The following SH3GL2 variants were observed in gnomAD, a reference collection of about 807,000 sequenced individuals.
SH3GL2 encodes the protein SH3 domain containing GRB2 like 2, endophilin A1.
A neutral mutation model predicts 46.0 loss-of-function variants in SH3GL2; 24 were observed. The ratio of observed to expected loss-of-function variants is 0.52; its 90% CI spans 0.38 to 0.73. SH3GL2 has a LOEUF of 0.73. Ranked by LOEUF, SH3GL2 falls within the 30% of genes least tolerant of loss-of-function variation. The pLI, the probability that SH3GL2 is intolerant of heterozygous loss-of-function variation, is 0.00. For synonymous variants in SH3GL2, 196 were observed against 147.1 expected, an observed-to-expected ratio of 1.33 and a Z score of -2.40; for missense variants, 413 against 424.2, an observed-to-expected ratio of 0.97 and a Z score of 0.23.
intron 1 of SH3GL2, among the ~76,000 whole-genome samples, chr9:17,626,316 G>A (rs376499652): frequency 2.0e-5 from 3 of 152,218 alleles, no homozygotes; most frequent in African/African-American, 7.2e-5. Context: ...AGCATGTTGC[G>A]GGGGACAGGG....
At chr9:17,600,627 A>T (rs1056903214) in intron 1 of SH3GL2, among the ~76,000 whole-genome samples, 1 of 152,226 alleles carries the variant, frequency 6.6e-6, no homozygotes, top group Non-Finnish European at 1.5e-5. Context: ...GCTCTTAGTT[A>T]CTGGAGCTAT....
chr9:17,582,750 A>G (rs1818299774), intron 1 of SH3GL2, among the ~76,000 whole-genome samples: 1 of 152,252 alleles, frequency 6.6e-6, no homozygotes, highest in Non-Finnish European at 1.5e-5. Flanking sequence ...TCTGAGACCA[A>G]GGTGCCAGTA....
chr9:17,658,888 A>G (rs933140922), intron 1 of SH3GL2, among the ~76,000 whole-genome samples: 5 of 152,240 alleles, frequency 3.3e-5, no homozygotes, highest in African/African-American at 1.2e-4. Flanking sequence ...CCTTTGGATT[A>G]AATCTTTCCA....
At chr9:17,722,367 A>C (rs1375426813) in intron 1 of SH3GL2, among the ~76,000 whole-genome samples, 1 of 152,128 alleles carries the variant, frequency 6.6e-6, no homozygotes, top group East Asian at 1.9e-4. Flanking sequence ...ACTGACATGT[A>C]GTTAATGTCT....
intron 1 of SH3GL2, among the ~76,000 whole-genome samples, chr9:17,641,125 C>T (rs1315513527): frequency 6.6e-6 from 1 of 152,060 alleles, no homozygotes; most frequent in Admixed American, 6.6e-5. Context: ...TTTGGGGTGG[C>T]TCCTAATTAT....
At chr9:17,665,213 G>T (rs746362847) in intron 1 of SH3GL2, among the ~76,000 whole-genome samples, 2 of 152,102 alleles carry the variant, frequency 1.3e-5, no homozygotes, top group Admixed American at 6.5e-5. Context: ...TATAACCATA[G>T]TACAGTGATA....
intron 1 of SH3GL2, among the ~76,000 whole-genome samples, chr9:17,640,790 A>T (rs1041416718): frequency 6.6e-6 from 1 of 152,364 alleles, no homozygotes; most frequent in African/African-American, 2.4e-5. Context: ...TGTCCTTGAA[A>T]TGGAGACTGT....
chr9:17,609,796 G>T (rs117787798), intron 1 of SH3GL2, among the ~76,000 whole-genome samples: 2 of 152,304 alleles, frequency 1.3e-5, no homozygotes, highest in Admixed American at 1.3e-4. Context: ...AAGGGCATGT[G>T]CTACTCAGCT....
At chr9:17,675,290 C>T (rs1332858522) in intron 1 of SH3GL2, among the ~76,000 whole-genome samples, 1 of 151,992 alleles carries the variant, frequency 6.6e-6, no homozygotes, top group East Asian at 1.9e-4. Flanking sequence ...TAATTCAGGA[C>T]TTAAGGGGTG....
intron 1 of SH3GL2, among the ~76,000 whole-genome samples, chr9:17,643,384 C>G (rs1487766625): frequency 1.3e-5 from 2 of 152,150 alleles, no homozygotes; most frequent in Non-Finnish European, 2.9e-5. Context: ...ATTTCTTTCT[C>G]TTGCCTTATT....
chr9:17,791,883 C>T (rs1322761676), intron 7 of SH3GL2, among the ~76,000 whole-genome samples: 2 of 152,206 alleles, frequency 1.3e-5, no homozygotes, highest in Non-Finnish European at 2.9e-5. Flanking sequence ...ACTTTCACCT[C>T]ATTAGATGTA....
At chr9:17,771,247 C>G (rs764134030) in intron 3 of SH3GL2, among the ~76,000 whole-genome samples, 6 of 152,158 alleles carry the variant, frequency 3.9e-5, no homozygotes, top group Non-Finnish European at 8.8e-5. Context: ...AAGATGAGGT[C>G]TCCTGAACCC....
intron 8 of SH3GL2, among the ~76,000 whole-genome samples, chr9:17,794,774 T>C (rs574655810): frequency 4.6e-5 from 7 of 152,290 alleles, no homozygotes; most frequent in Non-Finnish European, 8.8e-5. Flanking sequence ...GAGTACATTA[T>C]TTTTGTATGC....
chr9:17,724,268 C>A (rs997041955), intron 1 of SH3GL2, among the ~76,000 whole-genome samples: 2 of 152,070 alleles, frequency 1.3e-5, no homozygotes, highest in Admixed American at 6.6e-5. Flanking sequence ...AAGTGCTTAG[C>A]CCTTCTTGTG....
intron 1 of SH3GL2, among the ~76,000 whole-genome samples, chr9:17,714,402 T>A (rs1002370431): frequency 4.6e-5 from 7 of 151,816 alleles, no homozygotes; most frequent in African/African-American, 1.7e-4. Context: ...CATCTTGTTA[T>A]TTGCTTTCTA....
chr9:17,723,097 G>C (rs1257356025), intron 1 of SH3GL2, among the ~76,000 whole-genome samples: 2 of 152,110 alleles, frequency 1.3e-5, no homozygotes, highest in Admixed American at 6.6e-5. Context: ...TTTTCCAGAT[G>C]CCAGTGCAAG....
chr9:17,704,686 G>A (rs2118227524), intron 1 of SH3GL2, among the ~76,000 whole-genome samples: 1 of 152,208 alleles, frequency 6.6e-6, no homozygotes. Context: ...ATGGGGGAAA[G>A]TACTCCTTAT....
In SH3GL2 at chr9:17,771,885, A is replaced by G. The variant is rs185941728; in HGVS notation, c.187+10376A>G. ...GCACGATCCAGTGCTAGGGTTGTCT[A>G]TTTGTGTAAGTCAGTAGGCAAATCT... On this transcript the variant is annotated intron_variant, in intron 3 of 8. Coordinates refer to ENST00000380607, the MANE Select transcript of SH3GL2 (RefSeq NM_003026.5). Among the ~76,000 whole-genome samples the G allele has an allele frequency of 6.7e-5, 10 of 150,208 alleles. No homozygotes were observed. The East Asian group carries it at 1.4e-3, about 20-fold the overall frequency.
At chr9:17,664,281 T>C (rs1820292066) in intron 1 of SH3GL2, among the ~76,000 whole-genome samples, 1 of 152,182 alleles carries the variant, frequency 6.6e-6, no homozygotes, top group Admixed American at 6.5e-5. Context: ...AGCTTCCTTT[T>C]ATTATTTCTC....
Sources: allele counts gnomAD v4.1 joint callset (sites outside exome capture counted in the v4.1 genomes callset), GRCh38; gene constraint gnomAD v4.1.1; transcripts MANE v1.5; gene names NCBI Gene and HGNC (gene_info 2026-07-23, HGNC 2026-07-21).